Variants in SOS1 observed in about 807,000 individuals in gnomAD.
SOS1 encodes son of sevenless homolog 1.
A neutral mutation model predicts 157.6 loss-of-function variants in SOS1; 25 were observed. The observed-to-expected ratio is 0.16, with a 90% CI of 0.12 to 0.22. The LOEUF (loss-of-function observed/expected upper bound fraction) is 0.22. SOS1 is among the 10% of genes least tolerant of loss of function. The probability of loss-of-function intolerance (pLI) is 1.00; values close to 1 mark genes in which losing one functional copy is unlikely to be tolerated. For missense variants in SOS1, 1,237 were observed against 1,599.1 expected, an observed-to-expected ratio of 0.77 and a Z score of 3.86; for synonymous variants, 528 against 534.0, an observed-to-expected ratio of 0.99 and a Z score of 0.16.
At chr2:39,089,530 CAAAAAA>C (rs56688960) in intron 1 of SOS1, among the ~76,000 whole-genome samples, 20 of 118,140 alleles carry the variant, frequency 1.7e-4, no homozygotes, top group Admixed American at 3.7e-4. Context: ...ACTCTGTCTC[CAAAAAA>C]AAAAAAAAAA....
chr2:39,072,164 T>C (rs1671815036), intron 1 of SOS1, among the ~76,000 whole-genome samples: 1 of 152,212 alleles, frequency 6.6e-6, no homozygotes, highest in Admixed American at 6.5e-5. Context: ...TTAATCCCTA[T>C]ACTATATATC....
At chr2:39,033,143 TC>T (rs1416481890) in intron 8 of SOS1, among the ~76,000 whole-genome samples, 1 of 144,296 alleles carries the variant, frequency 6.9e-6, no homozygotes, top group Non-Finnish European at 1.5e-5. Context: ...TGATCTTGGC[TC>T]ACTGCAACCT....
chr2:39,089,490 T>C (rs1553368145), intron 1 of SOS1, among the ~76,000 whole-genome samples: 1 of 133,348 alleles, frequency 7.5e-6, no homozygotes, highest in Non-Finnish European at 1.5e-5. Flanking sequence ...CATTGTGCCA[T>C]GGCACTCCAG....
At chr2:39,104,737 A>G (rs1396879806) in intron 1 of SOS1, among the ~76,000 whole-genome samples, 1 of 152,266 alleles carries the variant, frequency 6.6e-6, no homozygotes, top group African/African-American at 2.4e-5. Context: ...AGCATTAAAA[A>G]GGAATGAAAT....
intron 6 of SOS1, among the ~76,000 whole-genome samples, chr2:39,039,542 A>G (rs1670483806): frequency 6.6e-6 from 1 of 152,218 alleles, no homozygotes; most frequent in Non-Finnish European, 1.5e-5. Context: ...TTGAGAATCT[A>G]CTTATATGGT....
chr2:39,096,817 T>G (rs1186902168), intron 1 of SOS1, among the ~76,000 whole-genome samples: 1 of 150,268 alleles, frequency 6.7e-6, no homozygotes, highest in African/African-American at 2.5e-5. Context: ...ACCCAGGAGG[T>G]GGAGCTTGCA....
In SOS1 at chr2:39,023,163, A is replaced by C; in HGVS notation, c.1265T>G (p.Met422Arg). 1 of 1,613,268 alleles carries C rather than the reference A, an allele frequency of 6.2e-7. No individual in the cohort carries two copies. Among genetic ancestry groups the C allele is most frequent in the Non-Finnish European group, 8.5e-7 (1 of 1,179,500 alleles). ...ATCAATATTCTTCTGAATCTCGTTC[A>C]TCTTCTTGATTGCTAGTTGTTTCCC... ...MKGKQLAIKK[M>R]NEIQKNIDGW... Residue 422 changes from methionine (M) to arginine (R), a missense_variant, in exon 10 of 23, where the codon ATG (methionine) becomes AGG (arginine). Met to Arg is a moderately conservative substitution (Grantham distance 91). Around this residue, in one of 15 missense-constraint regions of SOS1, gnomAD observed 210 missense variants for 220.2 expected, o/e 0.95. Coordinates refer to ENST00000402219, the MANE Select transcript of SOS1 (RefSeq NM_005633.4).
intron 1 of SOS1, among the ~76,000 whole-genome samples, chr2:39,109,489 C>T (rs895589664): frequency 1.8e-4 from 27 of 152,204 alleles, no homozygotes; most frequent in Non-Finnish European, 1.0e-4. Flanking sequence ...AAAGCCCTGT[C>T]CATTCAGCCT....
chr2:39,098,405 T>A (rs1306584906), intron 1 of SOS1: 5 of 202,168 alleles, frequency 2.5e-5, no homozygotes, highest in Non-Finnish European at 4.9e-5. Flanking sequence ...CAATACACGG[T>A]CATACAGTGG....
rs1446968300 is a variant in SOS1 at position 39,030,165 on chromosome 2, C to CAATA, written c.1074+5043_1074+5046dup. Among the ~76,000 whole-genome samples the CAATA allele has an allele frequency of 1.2e-4, 15 of 127,494 alleles. 1 individual carries two copies. In the East Asian group the frequency reaches 2.7e-3, roughly 23 times the overall value. The allele number at this position is 127,494 out of a possible 152,430, so 83.6% of individuals were successfully genotyped here. On this transcript the variant is annotated intron_variant, in intron 8 of 22. Coordinates refer to ENST00000402219, the MANE Select transcript of SOS1 (RefSeq NM_005633.4). ...TGGGTGACAGAACAAGACTCCATCT[C>CAATA]AATAAATAAATAAATAAAAATAAAA... is the stretch of plus-strand genomic sequence containing the variant.
At chr2:39,117,214 G>C (rs190287291) in intron 1 of SOS1, among the ~76,000 whole-genome samples, 4 of 152,156 alleles carry the variant, frequency 2.6e-5, no homozygotes, top group Non-Finnish European at 5.9e-5. Context: ...TTTTTTAGTA[G>C]AGATGGGGTT....
intron 15 of SOS1, among the ~76,000 whole-genome samples, chr2:39,007,895 GA>G (rs1408489605): frequency 6.6e-6 from 1 of 152,082 alleles, no homozygotes; most frequent in Non-Finnish European, 1.5e-5. Context: ...AATGGCAAAA[GA>G]AACATCTATT....
chr2:39,087,447 CAATT>C (rs1169701353), intron 1 of SOS1, among the ~76,000 whole-genome samples: 1 of 152,112 alleles, frequency 6.6e-6, no homozygotes, highest in Non-Finnish European at 1.5e-5. Context: ...TGTCACAAAA[CAATT>C]AAACACAGAA....
At chr2:39,042,401 T>G (rs936395560) in intron 6 of SOS1, among the ~76,000 whole-genome samples, 6 of 151,216 alleles carry the variant, frequency 4.0e-5, no homozygotes, top group African/African-American at 7.4e-5. Flanking sequence ...TTTTATGTAT[T>G]TATTTATTTA....
chr2:39,058,588 T>A, intron 3 of SOS1, 85 bp downstream of exon 3: 1 of 1,424,526 alleles, frequency 7.0e-7, no homozygotes, highest in Non-Finnish European at 9.8e-7. Flanking sequence ...TTGACTCAAT[T>A]ATCCATAAAA....
At chr2:39,027,649 G>A (rs1670008812) in intron 8 of SOS1, among the ~76,000 whole-genome samples, 1 of 152,084 alleles carries the variant, frequency 6.6e-6, no homozygotes, top group African/African-American at 2.4e-5. Context: ...GCATCCTCTT[G>A]TTACCAGTGA....
chr2:38,991,224 GAA>G (rs767945307), intron 20 of SOS1, among the ~76,000 whole-genome samples: 7 of 127,430 alleles, frequency 5.5e-5, no homozygotes, highest in African/African-American at 8.6e-5. Flanking sequence ...TTTTTCTATA[GAA>G]AAAAAAAAAA....
intron 11 of SOS1, 57 bp downstream of exon 11, chr2:39,014,708 C>G (rs1050478501): frequency 2.1e-6 from 2 of 934,486 alleles, no homozygotes; most frequent in Middle Eastern, 3.1e-4. Flanking sequence ...AGGATCTTAG[C>G]TCAATCTCTT....
At chr2:39,083,286 G>C (rs1468164535) in intron 1 of SOS1, among the ~76,000 whole-genome samples, 2 of 152,010 alleles carry the variant, frequency 1.3e-5, no homozygotes, top group Non-Finnish European at 2.9e-5. Flanking sequence ...AAAGCAGAAT[G>C]GAATCTAGTG....
Sources: allele counts gnomAD v4.1 joint callset (sites outside exome capture counted in the v4.1 genomes callset), GRCh38; gene constraint gnomAD v4.1.1; regional missense constraint gnomAD v4.1.1; transcripts MANE v1.5; gene names NCBI Gene and HGNC (gene_info 2026-07-23, HGNC 2026-07-21).